EXT2: variants seen among roughly 807,000 people sequenced by gnomAD.
The protein encoded by EXT2 is exostosin glycosyltransferase 2.
EXT2 carries 53 observed loss-of-function variants against 81.6 expected under a neutral mutation model. The observed-to-expected ratio is 0.65, with a 90% confidence interval of 0.52 to 0.82. The LOEUF is 0.82. Ranked by LOEUF, EXT2 falls within the 40% of genes least tolerant of loss-of-function variation. The pLI is 0.00. For synonymous variants in EXT2, 320 were observed against 340.0 expected (o/e 0.94, Z 0.65); for missense variants, 774 against 910.2 (o/e 0.85, Z 1.93).
chr11:44,218,655 T>A (rs969021210), intron 10 of EXT2, among the ~76,000 whole-genome samples: 1 of 152,094 alleles, frequency 6.6e-6, no homozygotes, highest in African/African-American at 2.4e-5. Context: ...ATTTAATTAG[T>A]GATGAGGGGG....
At chr11:44,185,205 G>A (rs775208009) in intron 8 of EXT2, among the ~76,000 whole-genome samples, 2 of 152,156 alleles carry the variant, frequency 1.3e-5, no homozygotes, top group South Asian at 2.1e-4. Flanking sequence ...CAGCATGAGC[G>A]TTAAAACCAA....
intron 4 of EXT2, among the ~76,000 whole-genome samples, chr11:44,119,796 T>C (rs538511777): frequency 6.6e-6 from 1 of 152,236 alleles, no homozygotes; most frequent in African/African-American, 2.4e-5. Context: ...GCCCCCAACA[T>C]CAAGAAATAC....
intron 7 of EXT2, among the ~76,000 whole-genome samples, chr11:44,167,311 A>T (rs1313026757): frequency 6.6e-6 from 1 of 152,230 alleles, no homozygotes; most frequent in African/African-American, 2.4e-5. Flanking sequence ...CAAGAATCCT[A>T]GTAAAAAGCA....
At chr11:44,180,910 T>C (rs1218790627) in intron 8 of EXT2, among the ~76,000 whole-genome samples, 1 of 152,126 alleles carries the variant, frequency 6.6e-6, no homozygotes, top group African/African-American at 2.4e-5. Flanking sequence ...AAGACCAGCC[T>C]GGCCAACATG....
intron 7 of EXT2, among the ~76,000 whole-genome samples, chr11:44,157,510 C>T (rs760052200): frequency 3.9e-5 from 6 of 152,180 alleles, no homozygotes; most frequent in Non-Finnish European, 7.3e-5. Flanking sequence ...CCACCACTGC[C>T]CTTGGCCCAT....
intron 7 of EXT2, among the ~76,000 whole-genome samples, chr11:44,147,622 G>A (rs566343533): frequency 1.9e-4 from 29 of 152,012 alleles, no homozygotes; most frequent in African/African-American, 6.3e-4. Context: ...GTGCAGTGGC[G>A]TGATCTCTGC....
At chr11:44,098,353 G>T (rs1337095385) in intron 1 of EXT2, among the ~76,000 whole-genome samples, 1 of 152,042 alleles carries the variant, frequency 6.6e-6, no homozygotes, top group Non-Finnish European at 1.5e-5. Flanking sequence ...TTCAGTCTAG[G>T]CTGGCAGTTT....
chr11:44,177,802 A>G (rs2135141955), intron 8 of EXT2, among the ~76,000 whole-genome samples: 1 of 152,300 alleles, frequency 6.6e-6, no homozygotes, highest in South Asian at 2.1e-4. Context: ...TTACTTTACC[A>G]GATTTAAAAC....
At chr11:44,144,041 G>C (rs1171732514) in intron 7 of EXT2, among the ~76,000 whole-genome samples, 1 of 152,208 alleles carries the variant, frequency 6.6e-6, no homozygotes. Context: ...GGTCTTTCAA[G>C]TGTGCCTGGT....
rs1012910210 is a variant in EXT2, at chr11:44,248,893, G to T, written c.*4606G>T. ...GCTTCCAGGCCTCTTTCCTTTTCAA[G>T]AAATAGTTGAGTCACCAGCATCTGT... On this transcript the variant is annotated 3_prime_UTR_variant, in exon 14 of 14. Coordinates refer to ENST00000533608, the MANE Select transcript of EXT2 (RefSeq NM_207122.2). 6.6e-6 allele frequency among the ~76,000 whole-genome samples: 1 copy of T among 152,164 alleles called. No homozygotes were observed. Among genetic ancestry groups the T allele is most frequent in the African/African-American group, 2.4e-5 (1 of 41,438 alleles).
chr11:44,117,508 C>A (rs1266555208), intron 4 of EXT2, among the ~76,000 whole-genome samples: 1 of 152,060 alleles, frequency 6.6e-6, no homozygotes, highest in Non-Finnish European at 1.5e-5. Flanking sequence ...GGTGGGGGTC[C>A]AACTTCATTC....
rs562948021 is a variant in EXT2, at chr11:44,188,188, T to C, written c.1306-9641T>C. ...ATCCCCAAATCAAAGTGAAACTTGG[T>C]ATCCTGGGAGGTGAGTGGGAGCCAA... On this transcript the variant is annotated intron_variant, in intron 8 of 13. Coordinates refer to ENST00000533608, the MANE Select transcript of EXT2 (RefSeq NM_207122.2). Among the ~76,000 whole-genome samples the C allele has an allele frequency of 2.6e-5, 4 of 152,324 alleles. No homozygotes were observed. The East Asian group carries it at 7.7e-4, about 29-fold the overall frequency.
chr11:44,126,886 C>G lies in EXT2; in HGVS notation c.1010C>G (p.Ala337Gly). 1 of 1,614,200 alleles carries G rather than the reference C, an allele frequency of 6.2e-7. No homozygotes were observed. Among genetic ancestry groups the G allele is most frequent in the Non-Finnish European group, 8.5e-7 (1 of 1,180,032 alleles). Residue 337 changes from alanine to glycine, a missense_variant, in exon 6 of 14, where the codon GCT becomes GGT. By Grantham distance (60) the Ala-to-Gly change is moderately conservative. Transcript: ENST00000533608. ...GCAGTATTGAGCGATGTGTTACAAG[C>G]TGGCTGTGTCCCGGTTGTCATTGCA... Reference protein sequence around the residue: ...GQAVLSDVLQAGCVPVVIADS... With the variant: ...GQAVLSDVLQGGCVPVVIADS...
chr11:44,157,816 G>T lies in EXT2; in HGVS notation c.1174-13795G>T, dbSNP rs376574695. Reference sequence around the variant, plus strand: ...GTCTCTCCCAGTGGCCACCACAGCTGTGAATGTGCTGGGTCATACCTGAAG... The same window carrying T: ...GTCTCTCCCAGTGGCCACCACAGCTTTGAATGTGCTGGGTCATACCTGAAG... On this transcript the variant is annotated intron_variant, in intron 7 of 13. Coordinates refer to ENST00000533608, the MANE Select transcript of EXT2 (RefSeq NM_207122.2). 9.8e-5 allele frequency among the ~76,000 whole-genome samples: 15 copies of T among 152,290 alleles called. No individual in the cohort carries two copies. In the East Asian group the frequency reaches 1.7e-3, roughly 18 times the overall value.
intron 10 of EXT2, among the ~76,000 whole-genome samples, chr11:44,222,081 AATC>A (rs1342605805): frequency 6.6e-6 from 1 of 152,210 alleles, no homozygotes; most frequent in Non-Finnish European, 1.5e-5. Flanking sequence ...GGTTCACATT[AATC>A]ATGATGAAAT....
intron 10 of EXT2, among the ~76,000 whole-genome samples, chr11:44,225,498 C>T (rs1007020750): frequency 1.3e-5 from 2 of 152,162 alleles, no homozygotes; most frequent in Non-Finnish European, 2.9e-5. Flanking sequence ...GCCTCCTCTC[C>T]CTACCTGGTT....
chr11:44,140,833 A>C (rs117498393), intron 7 of EXT2, among the ~76,000 whole-genome samples: 3,450 of 152,278 alleles, frequency 0.023, 95 homozygotes, highest in Admixed American at 0.079. Flanking sequence ...TTTTTGGCAC[A>C]AACATGTTAT....
At chr11:44,166,527 A>G (rs1954996267) in intron 7 of EXT2, among the ~76,000 whole-genome samples, 1 of 152,212 alleles carries the variant, frequency 6.6e-6, no homozygotes, top group African/African-American at 2.4e-5. Context: ...AGACATTCTC[A>G]TTGTGCATGC....
At chr11:44,241,438 A>T (rs1431991009) in intron 13 of EXT2, among the ~76,000 whole-genome samples, 1 of 152,192 alleles carries the variant, frequency 6.6e-6, no homozygotes, top group African/African-American at 2.4e-5. Context: ...TCAAATTACA[A>T]TGTCCATTCA....
Sources: gnomAD v4.1 joint callset for allele counts (sites outside exome capture counted in the v4.1 genomes callset) on GRCh38, gnomAD v4.1.1 for gene constraint, MANE v1.5 for transcripts, NCBI Gene and HGNC (gene_info 2026-07-23, HGNC 2026-07-21) for gene names.